KMT2C: variants seen among roughly 807,000 people sequenced by gnomAD.
KMT2C encodes histone-lysine N-methyltransferase 2C.
Under a neutral mutation model 507.9 loss-of-function variants are expected in KMT2C, and 88 were observed. The ratio of observed to expected loss-of-function variants is 0.17; its 90% CI spans 0.15 to 0.21. KMT2C has a LOEUF of 0.21. KMT2C is among the 10% of genes least tolerant of loss of function. The pLI, the probability that KMT2C is intolerant of heterozygous loss-of-function variation, is 1.00. For synonymous variants in KMT2C, 2,049 were observed against 2,080.8 expected (o/e 0.98, Z 0.42); for missense variants, 4,954 against 5,957.8 (o/e 0.83, Z 5.55).
At position 152,156,210 on chromosome 7, in the gene KMT2C, T is replaced by A. The variant is rs565261136; in HGVS notation, c.11807A>T (p.His3936Leu). The A allele has an allele frequency of 1.7e-5, 28 of 1,614,156 alleles. 1 individual carries two copies. In the South Asian group the frequency reaches 3.0e-4, roughly 17 times the overall value. Reference protein sequence around the residue: ...LAGKAGVLVSHEVTKTLGPKP... With the variant: ...LAGKAGVLVSLEVTKTLGPKP... ...TTTGGAGGCTATAATCATACCTTCA[T>A]GGCTCACTAACACTCCGGCTTTTCC... The change falls in exon 45 of 59, where the codon CAT becomes CTT. Residue 3936 changes from histidine (H) to leucine (L), a missense_variant. Around this residue, in one of 29 missense-constraint regions of KMT2C, gnomAD observed 104 missense variants for 134.3 expected, o/e 0.77. Transcript: ENST00000262189.
At position 152,311,434 on chromosome 7, in the gene KMT2C, T is replaced by A. The variant is rs2096670663; in HGVS notation, c.739+364A>T. The stretch of plus-strand genomic sequence containing the variant: ...TAAGATAATCTACCCGGCTAAGACC[T>A]ATTTTCATTCATGCCCAAATAAAAT... On this transcript the variant is annotated intron_variant, in intron 5 of 58. Transcript: ENST00000262189. Among the ~76,000 whole-genome samples the A allele has an allele frequency of 2.6e-5, 4 of 152,318 alleles. No individual in the cohort carries two copies. In the South Asian group the frequency reaches 8.3e-4, roughly 32 times the overall value.
At chr7:152,257,092 G>A (rs199516009) in intron 9 of KMT2C, among the ~76,000 whole-genome samples, 8 of 152,048 alleles carry the variant, frequency 5.3e-5, no homozygotes, top group African/African-American at 1.7e-4. Context: ...GCAAAATATC[G>A]TAAACTACTG....
intron 2 of KMT2C, among the ~76,000 whole-genome samples, chr7:152,338,689 G>A (rs574344341): frequency 3.9e-5 from 6 of 152,292 alleles, no homozygotes; most frequent in Non-Finnish European, 5.9e-5. Context: ...AAAGCTAATA[G>A]GAAACAAAGC....
At chr7:152,424,075 G>A (rs1373746365) in intron 1 of KMT2C, among the ~76,000 whole-genome samples, 2 of 152,084 alleles carry the variant, frequency 1.3e-5, no homozygotes, top group South Asian at 2.1e-4. Flanking sequence ...AGTAAAAGAG[G>A]ATGGAAAATA....
chr7:152,382,166 T>C (rs1437590583), intron 1 of KMT2C, among the ~76,000 whole-genome samples: 1 of 152,210 alleles, frequency 6.6e-6, no homozygotes, highest in Non-Finnish European at 1.5e-5. Flanking sequence ...TGACTTATTC[T>C]GAGATACATA....
intron 9 of KMT2C, among the ~76,000 whole-genome samples, chr7:152,253,685 A>T (rs1157659595): frequency 1.3e-5 from 2 of 151,922 alleles, no homozygotes; most frequent in Non-Finnish European, 2.9e-5. Context: ...TGAGACTGCC[A>T]TGGTGGGTGG....
rs2093209295 is a variant in KMT2C at position 152,176,320 on chromosome 7, G to T, written c.9133C>A (p.Pro3045Thr). The T allele has an allele frequency of 6.2e-7, 1 of 1,614,074 alleles. No individual in the cohort carries two copies. Among genetic ancestry groups the T allele is most frequent in the Non-Finnish European group, 8.5e-7 (1 of 1,180,002 alleles). Residue 3045 changes from proline (P) to threonine (T), a missense_variant, in exon 38 of 59, where the codon CCC (proline) becomes ACC (threonine). This residue lies in a region of KMT2C where 1,689 missense variants were observed against 1,654.3 expected (regional missense o/e 1.02). Transcript: ENST00000262189. ...QTLAQQNRER[P>T]LLLEEQPLLL... ...AGAGGCTGTTCTTCTAGAAGAAGGGGCCTCTCTCTATTCTGCTGTGCTAAT... is the reference window on the plus strand; with the variant it reads ...AGAGGCTGTTCTTCTAGAAGAAGGGTCCTCTCTCTATTCTGCTGTGCTAAT...
In KMT2C at chr7:152,163,481, C is replaced by T. The variant is rs2129104503; in HGVS notation, c.10096G>A (p.Ala3366Thr). 1 of 1,614,128 alleles carries T rather than the reference C, an allele frequency of 6.2e-7. No individual in the cohort carries two copies. The highest frequency in any genetic ancestry group is 8.5e-7 in the Non-Finnish European group (1 of 1,180,016). The stretch of plus-strand genomic sequence containing the variant: ...TTTGCATTTGAGACTGTCCCTGGGG[C>T]TGGTGTACAAGTTTTTATTGGTAAC... ...AQLPIKTCTP[A>T]PGTVSNANPQ... The change falls in exon 43 of 59, where the codon GCC becomes ACC. Residue 3366 changes from alanine to threonine, a missense_variant. Physicochemically the swap from Ala to Thr is moderately conservative, Grantham distance 58 (BLOSUM62 0). Coordinates refer to ENST00000262189, the MANE Select transcript of KMT2C (RefSeq NM_170606.3).
intron 1 of KMT2C, among the ~76,000 whole-genome samples, chr7:152,417,912 G>A (rs1449161755): frequency 2.1e-5 from 3 of 145,074 alleles, no homozygotes; most frequent in African/African-American, 5.2e-5. Flanking sequence ...AAAGTGCTGG[G>A]ATTACAGGCA....
intron 18 of KMT2C, among the ~76,000 whole-genome samples, chr7:152,228,617 C>G (rs1182803837): frequency 6.6e-6 from 1 of 152,144 alleles, no homozygotes; most frequent in East Asian, 1.9e-4. Flanking sequence ...GTAAGTCGTA[C>G]TCATCTGTAA....
At chr7:152,255,126 T>C (rs1160433545) in intron 9 of KMT2C, among the ~76,000 whole-genome samples, 12 of 119,742 alleles carry the variant, frequency 1.0e-4, no homozygotes, top group East Asian at 4.4e-4. Context: ...TATATATATA[T>C]ATATATATAT....
At position 152,245,071 on chromosome 7, in the gene KMT2C, T is replaced by C. The variant is rs371401079; in HGVS notation, c.2532+2831A>G. On this transcript the variant is annotated intron_variant, in intron 14 of 58. Coordinates refer to ENST00000262189, the MANE Select transcript of KMT2C (RefSeq NM_170606.3). ...CTCCAATATTGGGTTATTTGGATTA[T>C]ATATTTAAAACTGAATATACTTGAA... Among the ~76,000 whole-genome samples the C allele has an allele frequency of 8.7e-4, 133 of 152,372 alleles. 1 individual carries two copies. Among genetic ancestry groups the C allele is most frequent in the African/African-American group, 2.9e-3 (122 of 41,590 alleles).
intron 1 of KMT2C, among the ~76,000 whole-genome samples, chr7:152,423,794 C>A (rs908457079): frequency 2.0e-5 from 3 of 152,126 alleles, no homozygotes; most frequent in African/African-American, 7.2e-5. Flanking sequence ...GAAATCAGTT[C>A]TTCTGTCAAG....
intron 1 of KMT2C, among the ~76,000 whole-genome samples, chr7:152,392,565 A>G (rs2097507363): frequency 6.6e-6 from 1 of 152,204 alleles, no homozygotes; most frequent in Non-Finnish European, 1.5e-5. Flanking sequence ...TTCCACATGC[A>G]TTATCTTATT....
At chr7:152,175,294 C>T (rs186762787) in intron 38 of KMT2C, among the ~76,000 whole-genome samples, 4 of 152,040 alleles carry the variant, frequency 2.6e-5, no homozygotes, top group African/African-American at 4.8e-5. Flanking sequence ...TACAGGCGCA[C>T]GCTGCTATGC....
Position 152,138,781 on chromosome 7 carries a change from C to A in KMT2C, c.14643+15G>T. 4.0e-6 allele frequency: 6 copies of A among 1,499,824 alleles called. No individual in the cohort carries two copies. The highest frequency in any genetic ancestry group is 5.5e-6 in the Non-Finnish European group (6 of 1,090,616). 92.9% of individuals were successfully genotyped at this position (1,499,824 alleles called of 1,614,324 possible). On this transcript the variant is annotated intron_variant, in intron 58 of 58. Transcript: ENST00000262189. This position sits in a 1 kb window ranked among gnomAD's most constrained non-coding sequence, Gnocchi z 4.2. ...ATCTGAACAACATGGCAGATGCAAT[C>A]TCTCACACTCTTACCTCTTCTCCTT...
In KMT2C at chr7:152,149,058, T is replaced by C; in HGVS notation, c.12869A>G (p.His4290Arg). Reference sequence around the variant, plus strand: ...TTTCTCTGGGAGCTGGGGGAGACAGTGCACATCCAAAGTGGAGATGTTGTT... The same window carrying C: ...TTTCTCTGGGAGCTGGGGGAGACAGCGCACATCCAAAGTGGAGATGTTGTT... Reference protein sequence around the residue: ...YSNNISTLDVHCLPQLPEKAS... With the variant: ...YSNNISTLDVRCLPQLPEKAS... Residue 4290 changes from histidine (H) to arginine (R), a missense_variant, in exon 52 of 59, where the codon CAC becomes CGC. By Grantham distance (29) the His-to-Arg change is conservative. Coordinates refer to ENST00000262189, the MANE Select transcript of KMT2C (RefSeq NM_170606.3). 6.5e-7 allele frequency: 1 copy of C among 1,526,932 alleles called. No individual in the cohort carries two copies. Among genetic ancestry groups the C allele is most frequent in the Non-Finnish European group, 8.8e-7 (1 of 1,141,578 alleles). 94.6% of individuals were successfully genotyped at this position (1,526,932 alleles called of 1,614,324 possible). A position where few individuals can be genotyped will look rare whatever the true frequency, so the allele number is the denominator to read the frequency against.
intron 25 of KMT2C, 25 bp downstream of exon 25, chr7:152,205,081 A>AAT: frequency 2.0e-6 from 3 of 1,473,726 alleles, no homozygotes; most frequent in Non-Finnish European, 1.8e-6. Flanking sequence ...TAAAAAAAAA[A>AAT]TTTTTTTTTA....
chr7:152,299,471 T>C (rs1325503396), intron 6 of KMT2C, among the ~76,000 whole-genome samples: 10 of 151,818 alleles, frequency 6.6e-5, no homozygotes, highest in African/African-American at 2.2e-4. Context: ...CTGGACAACA[T>C]AGTGAGACCC....
Sources: gnomAD v4.1 joint callset for allele counts (sites outside exome capture counted in the v4.1 genomes callset) on GRCh38, gnomAD v4.1.1 for gene constraint, gnomAD v4.1.1 regional missense constraint, Gnocchi (gnomAD v3.1) non-coding constraint, MANE v1.5 for transcripts, NCBI Gene and HGNC (gene_info 2026-07-23, HGNC 2026-07-21) for gene names.